Variants in SMYD1 observed in about 807,000 individuals in gnomAD.
SMYD1 encodes the protein histone-lysine N-methyltransferase SMYD1.
Under a neutral mutation model 54.0 loss-of-function variants are expected in SMYD1, and 49 were observed. The observed-to-expected ratio is 0.91, with a 90% confidence interval of 0.72 to 1.15. SMYD1 has a LOEUF of 1.15. Ranked by LOEUF, SMYD1 falls within the 50% of genes most tolerant of loss-of-function variation. The pLI is 0.00. For missense variants in SMYD1, 653 were observed against 639.6 expected, an observed-to-expected ratio of 1.02 and a Z score of -0.23; for synonymous variants, 269 against 234.2, an observed-to-expected ratio of 1.15 and a Z score of -1.36.
At position 88,081,157 on chromosome 2, in the gene SMYD1, C is replaced by T. The variant is rs372337518; in HGVS notation, c.138-3159C>T. On this transcript the variant is annotated intron_variant, in intron 1 of 9. Coordinates refer to ENST00000419482, the MANE Select transcript of SMYD1 (RefSeq NM_198274.4). ...ACCTCAGATGATCCACCTGCCTTGG[C>T]CTCCCAAAGTGCTGGGATTACAGGT... 7.9e-5 allele frequency among the ~76,000 whole-genome samples: 12 copies of T among 152,250 alleles called. No homozygotes were observed. The East Asian group carries it at 1.2e-3, about 15-fold the overall frequency.
chr2:88,096,644 G>T lies in SMYD1; in HGVS notation c.748G>T (p.Val250Leu), dbSNP rs1674595120. Residue 250 changes from valine to leucine, a missense_variant, in exon 6 of 10, where the codon GTG (valine) becomes TTG (leucine). Physicochemically the swap from Val to Leu is conservative, Grantham distance 32 (BLOSUM62 1). Coordinates refer to ENST00000419482, the MANE Select transcript of SMYD1 (RefSeq NM_198274.4). ...GKISEGEELT[V>L]SYIDFLNVSE... is the part of the protein sequence containing the mutation. ...GATCTCAGAAGGAGAGGAGCTGACT[G>T]TGTCCTATATTGACTTCCTCAACGT... 1 of 1,613,988 alleles carries T rather than the reference G, an allele frequency of 6.2e-7. No homozygotes were observed. Among genetic ancestry groups the T allele is most frequent in the African/African-American group, 1.3e-5 (1 of 74,912 alleles).
At chr2:88,096,511 C>A in intron 5 of SMYD1, 84 bp from the exon 6 acceptor site, 2 of 1,225,172 alleles carry the variant, frequency 1.6e-6, no homozygotes, top group Non-Finnish European at 2.3e-6. Context: ...TCTTTGAGAC[C>A]CAACTCCATG....
At position 88,102,238 on chromosome 2, in the gene SMYD1, G is replaced by A. The variant is rs78851670; in HGVS notation, c.889-820G>A. Reference sequence around the variant, plus strand: ...AGGACTTCTGATAGGAATAAGCATAGCATGTAAACTTCTTGTTTGGACTTT... The same window carrying A: ...AGGACTTCTGATAGGAATAAGCATAACATGTAAACTTCTTGTTTGGACTTT... On this transcript the variant is annotated intron_variant, in intron 6 of 9. Coordinates refer to ENST00000419482, the MANE Select transcript of SMYD1 (RefSeq NM_198274.4). 6.9e-3 allele frequency among the ~76,000 whole-genome samples: 1,054 copies of A among 152,250 alleles called. 11 individuals are homozygous for A. The highest frequency in any genetic ancestry group is 0.021 in the African/African-American group (874 of 41,542).
intron 1 of SMYD1, among the ~76,000 whole-genome samples, chr2:88,070,456 T>A (rs1455465293): frequency 6.6e-6 from 1 of 151,982 alleles, no homozygotes; most frequent in African/African-American, 2.4e-5. Flanking sequence ...CAGTGTGTAT[T>A]ATATATTCTA....
Position 88,110,627 on chromosome 2 carries a change from T to G in SMYD1, c.*115T>G, listed in dbSNP as rs1306139845. On this transcript the variant is annotated 3_prime_UTR_variant, in exon 10 of 10. Transcript: ENST00000419482. ...AAGTTGAGGTAATGCTTAACATTGT[T>G]GCTGTGAGAATTTACTGCCCTATGT... The G allele has an allele frequency of 3.0e-6, 4 of 1,313,004 alleles. No individual in the cohort carries two copies. The highest frequency in any genetic ancestry group is 3.0e-6 in the Non-Finnish European group (3 of 988,340). 81.3% of individuals were successfully genotyped at this position (1,313,004 alleles called of 1,614,324 possible).
At chr2:88,108,942 T>G (rs977926358) in intron 9 of SMYD1, among the ~76,000 whole-genome samples, 7 of 152,022 alleles carry the variant, frequency 4.6e-5, no homozygotes, top group African/African-American at 1.4e-4. Context: ...AGATCTGGTG[T>G]GAACTCAGAG....
chr2:88,096,738 AAAAACTGAAGGATGACC>A lies in SMYD1; in HGVS notation c.843_859del (p.Lys281AsnfsTer41). The A allele has an allele frequency of 6.2e-7, 1 of 1,614,210 alleles. No homozygotes were observed. The highest frequency in any genetic ancestry group is 8.5e-7 in the Non-Finnish European group (1 of 1,180,034). On this transcript the variant is annotated frameshift_variant, in exon 6 of 10. Transcript: ENST00000419482. LOFTEE classifies it high-confidence loss of function. ...GACTGCACATGTGAACACTGCCAGA[AAAAACTGAAGGATGACC>A]TCTTCCTGGGGGTGAAAGACAACCC...
At position 88,097,554 on chromosome 2, in the gene SMYD1, G is replaced by A. The variant is rs576296337; in HGVS notation, c.888+770G>A. On this transcript the variant is annotated intron_variant, in intron 6 of 9. Transcript: ENST00000419482. ...AGCTGTGCTCAGGGGGAGGATGAGG[G>A]GGATCAGCACAGGCATGGAGGCGTC... Among the ~76,000 whole-genome samples the A allele has an allele frequency of 3.3e-5, 5 of 152,268 alleles. No homozygotes were observed. The South Asian group carries it at 8.3e-4, about 25-fold the overall frequency.
intron 9 of SMYD1, 105 bp from the exon 10 acceptor site, chr2:88,110,249 G>C (rs1674985600): frequency 1.0e-5 from 11 of 1,053,692 alleles, no homozygotes; most frequent in Non-Finnish European, 1.3e-5. Flanking sequence ...TGAGGGGGTA[G>C]AGTTGAATCT....
Position 88,084,475 on chromosome 2 carries a change from G to A in SMYD1, c.297G>A (p.Val99=), listed in dbSNP as rs1245515752. Residue 99 remains valine, a synonymous_variant, in exon 2 of 10, where the codon GTG becomes GTA. Coordinates refer to ENST00000419482, the MANE Select transcript of SMYD1 (RefSeq NM_198274.4). The stretch of plus-strand genomic sequence containing the variant: ...CGGCCATCAAGAGATATGGGAAGGT[G>A]CCCAATGAGAACATCAGGTGAGAGC... ...ECSAIKRYGK[V]PNENIRLAAR... 1.3e-6 allele frequency: 2 copies of A among 1,589,040 alleles called. No individual in the cohort carries two copies. The highest frequency in any genetic ancestry group is 1.7e-6 in the Non-Finnish European group (2 of 1,159,690).
Position 88,108,593 on chromosome 2 carries a change from T to C in SMYD1, c.1314+54T>C. ...CTTCCTGGCCTGAGCTTTCTGAGGA[T>C]GGGAGTGTGAGTTCAGGTGGACTCT... On this transcript the variant is annotated intron_variant, in intron 9 of 9. Transcript: ENST00000419482. 2.0e-6 allele frequency: 3 copies of C among 1,494,286 alleles called. No homozygotes were observed. In the South Asian group the frequency reaches 4.2e-5, roughly 21 times the overall value. 92.6% of individuals were successfully genotyped at this position (1,494,286 alleles called of 1,614,324 possible). A position where few individuals can be genotyped will look rare whatever the true frequency, so the allele number is the denominator to read the frequency against.
At chr2:88,069,882 A>T (rs575717926) in intron 1 of SMYD1, among the ~76,000 whole-genome samples, 3 of 152,328 alleles carry the variant, frequency 2.0e-5, no homozygotes, top group Admixed American at 2.0e-4. Flanking sequence ...GAGACATAGT[A>T]CTTAAGGGCT....
chr2:88,095,631 C>A (rs1159341203), intron 5 of SMYD1, among the ~76,000 whole-genome samples: 1 of 152,178 alleles, frequency 6.6e-6, no homozygotes, highest in East Asian at 1.9e-4. Context: ...CTGCCACTTC[C>A]TCTCTGGATG....
intron 7 of SMYD1, among the ~76,000 whole-genome samples, chr2:88,104,811 A>G (rs1337812621): frequency 6.6e-6 from 1 of 152,238 alleles, no homozygotes; most frequent in Non-Finnish European, 1.5e-5. Context: ...AGAGACCACT[A>G]GACTTTGTAG....
intron 9 of SMYD1, among the ~76,000 whole-genome samples, chr2:88,109,118 T>C (rs1180253415): frequency 2.0e-5 from 3 of 152,078 alleles, no homozygotes; most frequent in Non-Finnish European, 4.4e-5. Flanking sequence ...GCTTCACACA[T>C]GAGGAAACTG....
At chr2:88,070,360 A>G (rs1673918386) in intron 1 of SMYD1, among the ~76,000 whole-genome samples, 1 of 152,218 alleles carries the variant, frequency 6.6e-6, no homozygotes, top group African/African-American at 2.4e-5. Flanking sequence ...ACTGCAAGAC[A>G]GGCTTTCCTA....
chr2:88,083,449 C>T (rs1674246598), intron 1 of SMYD1, among the ~76,000 whole-genome samples: 1 of 152,070 alleles, frequency 6.6e-6, no homozygotes, highest in Admixed American at 6.6e-5. Flanking sequence ...CTCATCTTCC[C>T]ACACCTCTCT....
chr2:88,106,385 A>G lies in SMYD1; in HGVS notation c.1042A>G (p.Ile348Val), dbSNP rs200130060. The G allele has an allele frequency of 2.5e-4, 408 of 1,614,156 alleles. 2 individuals carry two copies. Among genetic ancestry groups the G allele is most frequent in the Non-Finnish European group, 6.8e-5 (80 of 1,180,022 alleles). Residue 348 changes from isoleucine (I) to valine (V), a missense_variant, in exon 8 of 10, where the codon ATC becomes GTC. Transcript: ENST00000419482. ...GGAGCCAGTGTTTGCTGACACCAACATCTACATGCTGCGGATGCTGAGCAT... is the reference window on the plus strand; with the variant it reads ...GGAGCCAGTGTTTGCTGACACCAACGTCTACATGCTGCGGATGCTGAGCAT... The part of the protein sequence containing the change: ...KQEPVFADTN[I>V]YMLRMLSIVS...
rs949372648 is a variant in SMYD1, at chr2:88,080,850, TA to T, written c.138-3460del. On this transcript the variant is annotated intron_variant, in intron 1 of 9. Transcript: ENST00000419482. Reference sequence around the variant, plus strand: ...AGGGATAAAGGTGAAGACTCCAAGTTAAAAAATTCAGTGTCACAAAGGAGCT... The same window carrying T: ...AGGGATAAAGGTGAAGACTCCAAGTTAAAAATTCAGTGTCACAAAGGAGCT... 1.3e-4 allele frequency among the ~76,000 whole-genome samples: 20 copies of T among 152,168 alleles called. 1 individual carries two copies. Among genetic ancestry groups the T allele is most frequent in the African/African-American group, 4.8e-4 (20 of 41,550 alleles).
Sources: allele counts gnomAD v4.1 joint callset (sites outside exome capture counted in the v4.1 genomes callset), GRCh38; gene constraint gnomAD v4.1.1; transcripts MANE v1.5; gene names NCBI Gene and HGNC (gene_info 2026-07-23, HGNC 2026-07-21).